NAT10: variants seen among roughly 807,000 people sequenced by gnomAD.
NAT10 encodes RNA cytidine acetyltransferase.
A neutral mutation model predicts 132.2 loss-of-function variants in NAT10; 109 were observed. The ratio of observed to expected loss-of-function variants is 0.82; its 90% CI spans 0.71 to 0.97. The LOEUF is 0.97. Among genes scored for constraint, NAT10 ranks in the 50% least tolerant of loss-of-function variants. The pLI is 0.00. For synonymous variants in NAT10, 479 were observed against 478.0 expected, an observed-to-expected ratio of 1.00 and a Z score of -0.03; for missense variants, 1,184 against 1,263.4, an observed-to-expected ratio of 0.94 and a Z score of 0.95.
chr11:34,130,689 G>C, intron 12 of NAT10, 124 bp from the exon 13 acceptor site: 1 of 1,268,288 alleles, frequency 7.9e-7, no homozygotes, highest in Non-Finnish European at 1.1e-6. Flanking sequence ...TCAGAGATGA[G>C]CAAGGCTGTC....
Position 34,136,790 on chromosome 11 carries a change from T to G in NAT10, c.2162+15T>G. 2.5e-6 allele frequency: 4 copies of G among 1,614,130 alleles called. No individual in the cohort carries two copies. The South Asian group carries it at 4.4e-5, about 18-fold the overall frequency. On this transcript the variant is annotated intron_variant, in intron 20 of 28. Transcript: ENST00000257829. ...AGGCTCCTCAAGTAAGTGCCTGCCCTCCTTCCACGGCATCACTCCTTGGCA... is the reference window on the plus strand; with the variant it reads ...AGGCTCCTCAAGTAAGTGCCTGCCCGCCTTCCACGGCATCACTCCTTGGCA...
chr11:34,126,988 C>T (rs1852005816), intron 11 of NAT10, among the ~76,000 whole-genome samples: 1 of 152,200 alleles, frequency 6.6e-6, no homozygotes, highest in Non-Finnish European at 1.5e-5. Context: ...ACATCCTCCT[C>T]TTTAGCCACC....
At chr11:34,135,892 G>T (rs1250809173) in intron 19 of NAT10, among the ~76,000 whole-genome samples, 2 of 151,808 alleles carry the variant, frequency 1.3e-5, no homozygotes, top group African/African-American at 4.8e-5. Flanking sequence ...GAACCCCAAG[G>T]TTGAGGCTGC....
chr11:34,144,495 T>C lies in NAT10; in HGVS notation c.2969+967T>C, dbSNP rs1269946783. On this transcript the variant is annotated intron_variant, in intron 28 of 28. Transcript: ENST00000257829. ...ATGTCTGTGTCTTCACTGACACTAT[T>C]TTGCTGTCATATCTTATACTCTCTG... 2.0e-5 allele frequency among the ~76,000 whole-genome samples: 3 copies of C among 152,246 alleles called. No individual in the cohort carries two copies. The East Asian group carries it at 5.8e-4, about 29-fold the overall frequency.
chr11:34,105,905 G>T (rs1257808659), intron 1 of NAT10, 113 bp downstream of exon 1: 1 of 152,454 alleles, frequency 6.6e-6, no homozygotes, highest in East Asian at 1.9e-4. Flanking sequence ...CGGATACCTG[G>T]CCTACGCCGT....
At chr11:34,131,981 G>A in intron 14 of NAT10, 144 bp from the exon 15 acceptor site, 1 of 692,366 alleles carries the variant, frequency 1.4e-6, no homozygotes. Context: ...AACGCGCCTG[G>A]CCCTCTTCTT....
intron 21 of NAT10, among the ~76,000 whole-genome samples, chr11:34,138,420 A>C (rs562188446): frequency 6.6e-6 from 1 of 152,260 alleles, no homozygotes; most frequent in East Asian, 1.9e-4. Context: ...ATCAGAGGCT[A>C]GTGTCCAGTG....
intron 25 of NAT10, 35 bp downstream of exon 25, chr11:34,141,243 C>T (rs1339345829): frequency 6.2e-7 from 1 of 1,612,638 alleles, no homozygotes; most frequent in Non-Finnish European, 8.5e-7. Flanking sequence ...CTTGATGTCT[C>T]TCAAATAGTG....
chr11:34,112,811 G>C (rs1851718475), intron 4 of NAT10, among the ~76,000 whole-genome samples: 1 of 152,218 alleles, frequency 6.6e-6, no homozygotes, highest in Admixed American at 6.5e-5. Context: ...GCATGTGTGT[G>C]TAAGCACTGG....
chr11:34,139,491 G>T lies in NAT10; in HGVS notation c.2415G>T (p.Gln805His). 6.2e-7 allele frequency: 1 copy of T among 1,613,542 alleles called. No homozygotes were observed. The highest frequency in any genetic ancestry group is 8.5e-7 in the Non-Finnish European group (1 of 1,179,466). The change falls in exon 23 of 29, where the codon CAG becomes CAT. Residue 805 changes from glutamine (Q) to histidine (H), a missense_variant. Physicochemically the swap from Gln to His is conservative, Grantham distance 24 (BLOSUM62 0). Coordinates refer to ENST00000257829, the MANE Select transcript of NAT10 (RefSeq NM_024662.3). ...ACAGGAACATGGGGAAGCCAGCCCAGCCTGGTGAGCCGGGTGGGGACAGGG... is the reference window on the plus strand; with the variant it reads ...ACAGGAACATGGGGAAGCCAGCCCATCCTGGTGAGCCGGGTGGGGACAGGG... ...IQNRNMGKPA[Q>H]PALSREELEA...
At chr11:34,143,639 A>G (rs1353952482) in intron 28 of NAT10, 111 bp downstream of exon 28, 2 of 994,558 alleles carry the variant, frequency 2.0e-6, no homozygotes, top group Non-Finnish European at 2.9e-6. Context: ...TTTGACAGAA[A>G]AGTCATGGTT....
At chr11:34,131,273 T>C (rs1234092782) in intron 13 of NAT10, 108 bp from the exon 14 acceptor site, 2 of 1,433,684 alleles carry the variant, frequency 1.4e-6, no homozygotes, top group Non-Finnish European at 1.9e-6. Context: ...ACCACACGTC[T>C]CTGGCCACCA....
At chr11:34,142,225 G>A (rs1852348092) in intron 26 of NAT10, 50 bp from the exon 27 acceptor site, 1 of 1,558,336 alleles carries the variant, frequency 6.4e-7, no homozygotes, top group African/African-American at 1.4e-5. Context: ...TCCTGTGTTT[G>A]GTTCAATCCT....
intron 21 of NAT10, among the ~76,000 whole-genome samples, chr11:34,137,802 C>T (rs530334320): frequency 3.6e-4 from 55 of 152,268 alleles, no homozygotes; most frequent in Admixed American, 3.3e-4. Context: ...AGCCCTGATG[C>T]GCAAGAGAAA....
At chr11:34,117,937 G>A (rs1313072655) in intron 6 of NAT10, among the ~76,000 whole-genome samples, 1 of 152,004 alleles carries the variant, frequency 6.6e-6, no homozygotes, top group Non-Finnish European at 1.5e-5. Flanking sequence ...TGCACAACAG[G>A]AGGGCTTCTA....
chr11:34,137,125 G>A (rs986713134), intron 21 of NAT10, 99 bp downstream of exon 21: 43 of 1,315,908 alleles, frequency 3.3e-5, no homozygotes, highest in African/African-American at 7.3e-5. Context: ...CTGCTGCATC[G>A]CTCTGAGCAG....
At position 34,130,852 on chromosome 11, in the gene NAT10, TCAG is replaced by T. The variant is rs1565114815; in HGVS notation, c.1289_1291del (p.Gln430del). ...GCCGGTCACTGTCCCTCAAGCTAAT[TCAG>T]CAGCTCCGTCAACAGAGCGCCCAGA... is the stretch of plus-strand genomic sequence containing the variant. On this transcript the variant is annotated inframe_deletion, in exon 13 of 29. Coordinates refer to ENST00000257829, the MANE Select transcript of NAT10 (RefSeq NM_024662.3). 4 of 1,614,164 alleles carry T rather than the reference TCAG, an allele frequency of 2.5e-6. No individual in the cohort carries two copies. Among genetic ancestry groups the T allele is most frequent in the Non-Finnish European group, 2.5e-6 (3 of 1,179,998 alleles).
intron 10 of NAT10, 104 bp from the exon 11 acceptor site, chr11:34,124,198 G>A: frequency 2.6e-6 from 2 of 759,004 alleles, no homozygotes; most frequent in Non-Finnish European, 4.3e-6. Context: ...ATACAGTGCT[G>A]GGTTTAAATC....
chr11:34,134,718 T>A (rs1565116865), intron 18 of NAT10, 132 bp downstream of exon 18: 3 of 829,970 alleles, frequency 3.6e-6, no homozygotes, highest in East Asian at 4.9e-5. Context: ...CTCTGGAGAA[T>A]TGAGCCAGGG....
Sources: allele counts gnomAD v4.1 joint callset (sites outside exome capture counted in the v4.1 genomes callset), GRCh38; gene constraint gnomAD v4.1.1; transcripts MANE v1.5; gene names NCBI Gene and HGNC (gene_info 2026-07-23, HGNC 2026-07-21).